Variants in SBF2 observed in about 807,000 individuals in gnomAD.
SBF2 encodes myotubularin-related protein 13.
In SBF2, 112 loss-of-function variants were observed where a neutral mutation model predicts 225.2. The observed-to-expected ratio is 0.50, with a 90% CI of 0.43 to 0.58. The LOEUF is 0.58. Among genes scored for constraint, SBF2 ranks in the 20% least tolerant of loss-of-function variants. SBF2 has a pLI of 0.00. For synonymous variants in SBF2, 763 were observed against 773.3 expected (o/e 0.99, Z 0.22); for missense variants, 1,996 against 2,206.2 (o/e 0.90, Z 1.91).
intron 6 of SBF2, among the ~76,000 whole-genome samples, chr11:10,015,872 G>A (rs1015486785): frequency 6.6e-6 from 1 of 151,690 alleles, no homozygotes; most frequent in African/African-American, 2.4e-5. Context: ...GCACGATTTC[G>A]GCTCACTGCA....
chr11:10,209,105 C>G (rs1376728706), intron 1 of SBF2, among the ~76,000 whole-genome samples: 2 of 152,118 alleles, frequency 1.3e-5, no homozygotes, highest in Non-Finnish European at 2.9e-5. Flanking sequence ...CTCATTAAAA[C>G]TCATTCAATG....
In SBF2 at chr11:10,028,551, A is replaced by G. The variant is rs200004527; in HGVS notation, c.520T>C (p.Phe174Leu). 1 of 1,608,122 alleles carries G rather than the reference A, an allele frequency of 6.2e-7. No individual in the cohort carries two copies. Among genetic ancestry groups the G allele is most frequent in the Non-Finnish European group, 8.5e-7 (1 of 1,174,644 alleles). ...VPAAGGSQKL[F>L]SLGAGDRQLI... ...TGTCTATCTCCTGCACCCAAAGAAA[A>G]CAGCTTCTGCAGAATGGGAGAAACA... The change falls in exon 6 of 40, where the codon TTT becomes CTT. Residue 174 changes from phenylalanine (F) to leucine (L), a missense_variant. Physicochemically the swap from Phe to Leu is conservative, Grantham distance 22 (BLOSUM62 0). Coordinates refer to ENST00000256190, the MANE Select transcript of SBF2 (RefSeq NM_030962.4).
At chr11:10,237,114 A>G (rs534058712) in intron 1 of SBF2, among the ~76,000 whole-genome samples, 16 of 152,224 alleles carry the variant, frequency 1.1e-4, no homozygotes, top group Non-Finnish European at 2.2e-4. Context: ...TGGGAGGCTG[A>G]GGCGGGCAGA....
At chr11:9,984,225 A>C (rs1007024014) in intron 13 of SBF2, among the ~76,000 whole-genome samples, 1 of 152,216 alleles carries the variant, frequency 6.6e-6, no homozygotes, top group Non-Finnish European at 1.5e-5. Context: ...TAGATAGCTT[A>C]AAGAGAAAAC....
intron 1 of SBF2, among the ~76,000 whole-genome samples, chr11:10,264,662 G>A (rs1294328141): frequency 1.3e-5 from 2 of 152,016 alleles, no homozygotes; most frequent in African/African-American, 4.8e-5. Flanking sequence ...TTATATACAT[G>A]CTACGATGGT....
rs1284144616 is a variant in SBF2 at position 9,929,863 on chromosome 11, G to T, written c.1860+32094C>A. 2.6e-5 allele frequency among the ~76,000 whole-genome samples: 4 copies of T among 152,158 alleles called. No individual in the cohort carries two copies. In the South Asian group the frequency reaches 8.3e-4, roughly 31 times the overall value. ...CAGACATTTATGCTACAGGAATAAA[G>T]AAACTTATTATTAACTGGCAAAAAT... On this transcript the variant is annotated intron_variant, in intron 16 of 39. Coordinates refer to ENST00000256190, the MANE Select transcript of SBF2 (RefSeq NM_030962.4).
chr11:10,071,263 CTCTTTTTTTTTT>C (rs1950859898), intron 2 of SBF2, among the ~76,000 whole-genome samples: 1 of 124,932 alleles, frequency 8.0e-6, no homozygotes, highest in East Asian at 2.4e-4. Flanking sequence ...TTCTCTCTCT[CTCTTTTTTTTTT>C]TTTTTTTTTG....
Position 10,294,085 on chromosome 11 carries a change from G to T in SBF2, c.-16C>A, listed in dbSNP as rs1024513989. 7.4e-7 allele frequency: 1 copy of T among 1,356,810 alleles called. No homozygotes were observed. Among genetic ancestry groups the T allele is most frequent in the Non-Finnish European group, 9.5e-7 (1 of 1,053,864 alleles). 84.0% of individuals were successfully genotyped at this position (1,356,810 alleles called of 1,614,324 possible). A position where few individuals can be genotyped will look rare whatever the true frequency, so the allele number is the denominator to read the frequency against. ...GCCGGGCCATGGCCGCCGCCGCCGC[G>T]CTCGGGAAGCGGGTCCCCGTCGCCG... On this transcript the variant is annotated 5_prime_UTR_variant, in exon 1 of 40. Coordinates refer to ENST00000256190, the MANE Select transcript of SBF2 (RefSeq NM_030962.4).
chr11:10,041,924 C>T (rs1353312623), intron 3 of SBF2, among the ~76,000 whole-genome samples: 1 of 152,054 alleles, frequency 6.6e-6, no homozygotes, highest in East Asian at 1.9e-4. Flanking sequence ...CCACCACCAC[C>T]AGCACCAACA....
At chr11:9,795,159 G>C (rs1178789717) in intron 33 of SBF2, among the ~76,000 whole-genome samples, 1 of 152,150 alleles carries the variant, frequency 6.6e-6, no homozygotes, top group Admixed American at 6.5e-5. Flanking sequence ...CTGACTTTCA[G>C]AATCTACTCA....
At chr11:10,097,521 C>T (rs955885155) in intron 2 of SBF2, among the ~76,000 whole-genome samples, 3 of 152,070 alleles carry the variant, frequency 2.0e-5, no homozygotes, top group African/African-American at 7.2e-5. Context: ...TTCCAAAACA[C>T]ATTCTTTAAA....
chr11:10,150,650 G>A (rs1955133204), intron 2 of SBF2, among the ~76,000 whole-genome samples: 1 of 152,174 alleles, frequency 6.6e-6, no homozygotes, highest in Admixed American at 6.5e-5. Context: ...TTTTTAAGCT[G>A]TTTAGTTGAA....
intron 2 of SBF2, among the ~76,000 whole-genome samples, chr11:10,083,272 T>C (rs1486614518): frequency 1.3e-5 from 2 of 152,072 alleles, no homozygotes; most frequent in South Asian, 2.1e-4. Flanking sequence ...CACCATGAAT[T>C]TGAAGAATCA....
intron 2 of SBF2, among the ~76,000 whole-genome samples, chr11:10,078,821 C>A (rs1331591084): frequency 6.6e-6 from 1 of 152,076 alleles, no homozygotes; most frequent in Non-Finnish European, 1.5e-5. Context: ...GTTTGAAGAA[C>A]AGACAAGCTC....
intron 3 of SBF2, among the ~76,000 whole-genome samples, chr11:10,032,799 A>G (rs1433983126): frequency 6.6e-6 from 1 of 152,236 alleles, no homozygotes; most frequent in African/African-American, 2.4e-5. Flanking sequence ...CTAGGCCCAT[A>G]GCTGATACTT....
chr11:10,164,539 A>G (rs1294545747), intron 2 of SBF2, among the ~76,000 whole-genome samples: 1 of 152,200 alleles, frequency 6.6e-6, no homozygotes, highest in Non-Finnish European at 1.5e-5. Flanking sequence ...ACCTTTTAAC[A>G]CATAAGTTAC....
At chr11:10,162,798 T>C (rs1955809021) in intron 2 of SBF2, among the ~76,000 whole-genome samples, 1 of 152,136 alleles carries the variant, frequency 6.6e-6, no homozygotes, top group African/African-American at 2.4e-5. Context: ...AGAAGAAACA[T>C]CCAAAACTAT....
intron 1 of SBF2, among the ~76,000 whole-genome samples, chr11:10,301,023 C>T (rs1408304841): frequency 6.6e-6 from 1 of 152,050 alleles, no homozygotes; most frequent in Non-Finnish European, 1.5e-5. Context: ...CTGGCTTTAC[C>T]ATGTACAAGA....
intron 2 of SBF2, among the ~76,000 whole-genome samples, chr11:10,045,491 T>C (rs943968270): frequency 6.6e-6 from 1 of 152,184 alleles, no homozygotes; most frequent in South Asian, 2.1e-4. Flanking sequence ...AACCAAGGTA[T>C]AGGAATAGAT....
Sources: gnomAD v4.1 joint callset for allele counts (sites outside exome capture counted in the v4.1 genomes callset) on GRCh38, gnomAD v4.1.1 for gene constraint, MANE v1.5 for transcripts, NCBI Gene and HGNC (gene_info 2026-07-23, HGNC 2026-07-21) for gene names.